Variants in MCTP1 observed in about 807,000 individuals in gnomAD.
MCTP1 encodes multiple C2 and transmembrane domain containing 1.
In MCTP1, 69 loss-of-function variants were observed where a neutral mutation model predicts 120.6. The ratio of observed to expected loss-of-function variants is 0.57; its 90% CI spans 0.47 to 0.70. The LOEUF is 0.70. Among genes scored for constraint, MCTP1 ranks in the 30% least tolerant of loss-of-function variants. The pLI is 0.00. For synonymous variants in MCTP1, 529 were observed against 493.1 expected, an observed-to-expected ratio of 1.07 and a Z score of -0.96; for missense variants, 1,203 against 1,248.8, an observed-to-expected ratio of 0.96 and a Z score of 0.55.
intron 1 of MCTP1, among the ~76,000 whole-genome samples, chr5:95,105,011 C>A (rs1279282194): frequency 6.6e-6 from 1 of 152,180 alleles, no homozygotes; most frequent in Non-Finnish European, 1.5e-5. Flanking sequence ...TTGTGTGCCC[C>A]ATTTAATGCT....
intron 1 of MCTP1, among the ~76,000 whole-genome samples, chr5:95,139,982 T>A (rs1759772013): frequency 6.6e-6 from 1 of 152,188 alleles, no homozygotes; most frequent in Non-Finnish European, 1.5e-5. Flanking sequence ...TAAAGAGAAC[T>A]TGATGGTCTC....
intron 1 of MCTP1, among the ~76,000 whole-genome samples, chr5:95,038,756 G>T (rs1341065742): frequency 6.6e-6 from 1 of 152,200 alleles, no homozygotes; most frequent in Non-Finnish European, 1.5e-5. Flanking sequence ...CTTTAGTACT[G>T]CTGATAAAAC....
chr5:95,117,390 C>CAAAAAA (rs34952779), intron 1 of MCTP1, among the ~76,000 whole-genome samples: 6 of 66,108 alleles, frequency 9.1e-5, no homozygotes, highest in Non-Finnish European at 1.3e-4. Context: ...GACTCCGTCT[C>CAAAAAA]AAAAAAAAAA....
chr5:94,799,861 A>C (rs1454115845), intron 17 of MCTP1, among the ~76,000 whole-genome samples: 1 of 152,202 alleles, frequency 6.6e-6, no homozygotes, highest in East Asian at 1.9e-4. Context: ...TCATTCTAAG[A>C]ACACTTACAT....
intron 1 of MCTP1, among the ~76,000 whole-genome samples, chr5:95,210,665 T>C (rs538406403): frequency 0.017 from 2,523 of 151,764 alleles, 17 homozygotes; most frequent in Middle Eastern, 0.027. Context: ...GAGCATTTAG[T>C]CCATTTACAT....
chr5:94,906,686 T>C (rs1381907399), intron 10 of MCTP1, among the ~76,000 whole-genome samples: 1 of 152,180 alleles, frequency 6.6e-6, no homozygotes, highest in African/African-American at 2.4e-5. Flanking sequence ...AAATGGAAAG[T>C]AAAATAGACA....
At chr5:94,779,316 G>T (rs1435828330) in intron 18 of MCTP1, among the ~76,000 whole-genome samples, 153 bp from the exon 19 acceptor site, 1 of 152,178 alleles carries the variant, frequency 6.6e-6, no homozygotes, top group Non-Finnish European at 1.5e-5. Flanking sequence ...TTAGGAAAAT[G>T]CTCTGCCTTT....
chr5:94,773,649 G>T (rs1307063633), intron 19 of MCTP1, among the ~76,000 whole-genome samples: 1 of 152,122 alleles, frequency 6.6e-6, no homozygotes, highest in Non-Finnish European at 1.5e-5. Flanking sequence ...ATTCCACATG[G>T]CTGGGGAGGA....
At chr5:94,913,396 T>G (rs570015492) in intron 8 of MCTP1, among the ~76,000 whole-genome samples, 2 of 152,324 alleles carry the variant, frequency 1.3e-5, no homozygotes, top group Admixed American at 1.3e-4. Flanking sequence ...CTCTATGTTA[T>G]AAATATATTT....
chr5:95,120,146 C>T (rs1038658748), intron 1 of MCTP1, among the ~76,000 whole-genome samples: 3 of 144,284 alleles, frequency 2.1e-5, no homozygotes, highest in African/African-American at 7.8e-5. Context: ...CACTGCACTC[C>T]AGCCTGGGCG....
At chr5:95,082,942 T>C (rs1755111590) in intron 1 of MCTP1, among the ~76,000 whole-genome samples, 1 of 152,196 alleles carries the variant, frequency 6.6e-6, no homozygotes, top group South Asian at 2.1e-4. Context: ...CCTTCTCCAA[T>C]TACTTTCTAT....
chr5:94,769,697 T>C (rs1773630170), intron 19 of MCTP1, among the ~76,000 whole-genome samples: 1 of 152,192 alleles, frequency 6.6e-6, no homozygotes, highest in Non-Finnish European at 1.5e-5. Flanking sequence ...GATCTTTTTC[T>C]TTATATAAAA....
Position 94,953,285 on chromosome 5 carries a change from G to C in MCTP1, c.915C>G (p.Leu305=). The C allele has an allele frequency of 6.2e-7, 1 of 1,612,304 alleles. No homozygotes were observed. The highest frequency in any genetic ancestry group is 1.3e-5 in the African/African-American group (1 of 74,950). Residue 305 remains leucine (L), a synonymous_variant, in exon 3 of 23, where the codon CTC becomes CTG. Transcript: ENST00000515393. ...VFRSKIIHKN[L]NPVWEEKACI... is the part of the protein sequence containing the mutation. The stretch of plus-strand genomic sequence containing the variant: ...AAGCTTTTTCTTCCCACACAGGGTT[G>C]AGGTTCTTGTGTATTATCTTACTTC...
In MCTP1 at chr5:94,869,399, G is replaced by A. The variant is rs575815853; in HGVS notation, c.2317-947C>T. ...ATGTGCATGCCAGTTTTAACAAGTG[G>A]CTAAAATTGAAATTCCTTGCTGGCA... is the stretch of plus-strand genomic sequence containing the variant. On this transcript the variant is annotated intron_variant, in intron 16 of 22. Coordinates refer to ENST00000515393, the MANE Select transcript of MCTP1 (RefSeq NM_024717.7). 3.9e-5 allele frequency among the ~76,000 whole-genome samples: 6 copies of A among 152,030 alleles called. No individual in the cohort carries two copies. The East Asian group carries it at 1.2e-3, about 30-fold the overall frequency.
At chr5:95,104,125 C>T (rs1756933696) in intron 1 of MCTP1, among the ~76,000 whole-genome samples, 1 of 152,164 alleles carries the variant, frequency 6.6e-6, no homozygotes, top group African/African-American at 2.4e-5. Flanking sequence ...TATTCTATAA[C>T]CTGAGCCCAA....
At chr5:95,137,918 G>A (rs1759567594) in intron 1 of MCTP1, among the ~76,000 whole-genome samples, 1 of 151,978 alleles carries the variant, frequency 6.6e-6, no homozygotes, top group Non-Finnish European at 1.5e-5. Flanking sequence ...CATTTACTGA[G>A]TACTATTCAA....
rs57358026 is a variant in MCTP1, at chr5:94,952,171, C to CAAAAAAAA, written c.981+1040_981+1047dup. Reference sequence around the variant, plus strand: ...TGGGTGACAGAATGAGACTTTGTCGCAAAAAAAAAAAAAAAAAAAAAAGCT... The same window carrying CAAAAAAAA: ...TGGGTGACAGAATGAGACTTTGTCGCAAAAAAAAAAAAAAAAAAAAAAAAAAAAAAGCT... On this transcript the variant is annotated intron_variant, in intron 3 of 22. Coordinates refer to ENST00000515393, the MANE Select transcript of MCTP1 (RefSeq NM_024717.7). 9.5e-3 allele frequency among the ~76,000 whole-genome samples: 830 copies of CAAAAAAAA among 87,782 alleles called. 70 individuals are homozygous for CAAAAAAAA. The highest frequency in any genetic ancestry group is 0.035 in the African/African-American group (767 of 22,102). The allele number at this position is 87,782 out of a possible 152,430, so 57.6% of individuals were successfully genotyped here.
At chr5:94,867,351 G>A (rs1301824359) in intron 17 of MCTP1, 2 of 1,533,174 alleles carry the variant, frequency 1.3e-6, no homozygotes. Flanking sequence ...TGTTCCATGT[G>A]CTCAGACATT....
At chr5:95,184,469 C>T (rs1332183421) in intron 1 of MCTP1, among the ~76,000 whole-genome samples, 19 of 152,224 alleles carry the variant, frequency 1.2e-4, no homozygotes, top group Non-Finnish European at 2.9e-5. Flanking sequence ...CAGACCTAAC[C>T]GACTCCATCT....
Sources: allele counts gnomAD v4.1 joint callset (sites outside exome capture counted in the v4.1 genomes callset), GRCh38; gene constraint gnomAD v4.1.1; transcripts MANE v1.5; gene names NCBI Gene and HGNC (gene_info 2026-07-23, HGNC 2026-07-21).